Variants in AKT1 observed in about 807,000 individuals in gnomAD.
AKT1 encodes RAC-alpha serine/threonine-protein kinase.
Under a neutral mutation model 63.1 loss-of-function variants are expected in AKT1, and 21 were observed. The observed-to-expected ratio is 0.33, with a 90% CI of 0.24 to 0.48. The LOEUF (loss-of-function observed/expected upper bound fraction) is 0.48, where lower values mean the gene tolerates loss of function less well. Ranked by LOEUF, AKT1 falls within the 20% of genes least tolerant of loss-of-function variation. The probability of loss-of-function intolerance (pLI) is 0.99; values close to 1 mark genes in which losing one functional copy is unlikely to be tolerated. For synonymous variants in AKT1, 257 were observed against 253.1 expected, an observed-to-expected ratio of 1.02 and a Z score of -0.15; for missense variants, 382 against 666.0, an observed-to-expected ratio of 0.57 and a Z score of 4.69.
chr14:104,775,986 C>A (rs955565073), intron 5 of AKT1, 187 bp from the exon 6 acceptor site: 13 of 645,786 alleles, frequency 2.0e-5, no homozygotes, highest in Non-Finnish European at 3.3e-5. Context: ...CCCTCTTGGA[C>A]GTGGGGGACA....
At chr14:104,782,495 T>G (rs1283107812) in intron 3 of AKT1, among the ~76,000 whole-genome samples, 3 of 152,124 alleles carry the variant, frequency 2.0e-5, no homozygotes, top group African/African-American at 7.2e-5. Flanking sequence ...GAGCTGCATC[T>G]GGGGGGTTCT....
intron 3 of AKT1, among the ~76,000 whole-genome samples, chr14:104,780,705 G>T (rs1892983207): frequency 6.8e-6 from 1 of 148,048 alleles, no homozygotes; most frequent in African/African-American, 2.7e-5. Flanking sequence ...GGGCTGCCCA[G>T]CATGGCCGCC....
At chr14:104,772,019 C>A in intron 13 of AKT1, 2 of 452,476 alleles carry the variant, frequency 4.4e-6, no homozygotes, top group Non-Finnish European at 8.0e-6. Flanking sequence ...CCTGGTCCAC[C>A]ACCAGCCAGC....
intron 3 of AKT1, among the ~76,000 whole-genome samples, chr14:104,789,321 G>A (rs11848805): frequency 0.3 from 45,705 of 152,182 alleles, 7,266 homozygotes; most frequent in African/African-American, 0.37. Flanking sequence ...GAAGACAGCC[G>A]CGAGTGGACA....
intron 3 of AKT1, among the ~76,000 whole-genome samples, chr14:104,788,218 G>A (rs1893434136): frequency 6.6e-6 from 1 of 152,170 alleles, no homozygotes; most frequent in South Asian, 2.1e-4. Flanking sequence ...CGCAGCCTGG[G>A]GTTGACCCTC....
rs1408502825 is a variant in AKT1, at chr14:104,790,854, C to T, written c.46+1744G>A. Reference sequence around the variant, plus strand: ...CTCCACCAGGTCTCTCTCCCACCACCGCTCCCTGGTGTAGATGGGGAAACT... The same window carrying T: ...CTCCACCAGGTCTCTCTCCCACCACTGCTCCCTGGTGTAGATGGGGAAACT... On this transcript the variant is annotated intron_variant, in intron 3 of 14. Coordinates refer to ENST00000649815, the MANE Select transcript of AKT1 (RefSeq NM_001382430.1). Among the ~76,000 whole-genome samples the T allele has an allele frequency of 7.9e-5, 12 of 152,202 alleles. No individual in the cohort carries two copies. The South Asian group carries it at 8.3e-4, about 10-fold the overall frequency.
chr14:104,769,844 G>T lies in AKT1; in HGVS notation c.*497C>A. On this transcript the variant is annotated 3_prime_UTR_variant, in exon 15 of 15. Coordinates refer to ENST00000649815, the MANE Select transcript of AKT1 (RefSeq NM_001382430.1). ...ACGGCCTTAGTGCTGGGGGGCTGCT[G>T]TGTGCCTGCCACCCCCAGGAGAGGG... The T allele has an allele frequency of 2.6e-6, 1 of 387,492 alleles. No individual in the cohort carries two copies. Among genetic ancestry groups the T allele is most frequent in the Non-Finnish European group, 4.8e-6 (1 of 208,098 alleles). The allele number at this position is 387,492 out of a possible 1,614,324, so 24.0% of individuals were successfully genotyped here. A position where few individuals can be genotyped will look rare whatever the true frequency, so the allele number is the denominator to read the frequency against.
intron 13 of AKT1, chr14:104,771,673 G>C (rs1361907800): frequency 4.2e-6 from 1 of 235,502 alleles, no homozygotes; most frequent in Non-Finnish European, 8.4e-6. Flanking sequence ...ACACAGCCTA[G>C]GACAGGCATT....
At chr14:104,785,020 C>T (rs769373205) in intron 3 of AKT1, among the ~76,000 whole-genome samples, 3 of 152,238 alleles carry the variant, frequency 2.0e-5, no homozygotes, top group African/African-American at 4.8e-5. Context: ...CAGGCGGCAC[C>T]GAGCTGCTTC....
chr14:104,775,009 A>G lies in AKT1; in HGVS notation c.568-6T>C. 2 of 1,613,022 alleles carry G rather than the reference A, an allele frequency of 1.2e-6. No homozygotes were observed. Among genetic ancestry groups the G allele is most frequent in the Non-Finnish European group, 1.7e-6 (2 of 1,179,730 alleles). On this transcript the variant is annotated splice_region_variant and splice_polypyrimidine_tract_variant and intron_variant, in intron 7 of 14. Transcript: ENST00000649815. ...AGTGTGTGGGCCACCTCGTCCTGTA[A>G]AGCAGGGCTGGGTGAGCTGCCACCC... is the stretch of plus-strand genomic sequence containing the variant.
In AKT1 at chr14:104,775,621, A is replaced by C. The variant is rs538886256; in HGVS notation, c.435+31T>G. Reference sequence around the variant, plus strand: ...GCCCTCCACAGTCCAAGGCAGCCCCAGGCACAGGCAGAAGTGGGGACAGGC... The same window carrying C: ...GCCCTCCACAGTCCAAGGCAGCCCCCGGCACAGGCAGAAGTGGGGACAGGC... On this transcript the variant is annotated intron_variant, in intron 6 of 14. Transcript: ENST00000649815. The C allele has an allele frequency of 3.7e-6, 6 of 1,608,180 alleles. No homozygotes were observed. The South Asian group carries it at 5.5e-5, about 15-fold the overall frequency.
rs2141019295 is a variant in AKT1, at chr14:104,795,596, G to A, written c.-370C>T. The A allele has an allele frequency of 6.9e-6, 1 of 145,492 alleles. No homozygotes were observed. The highest frequency in any genetic ancestry group is 1.5e-5 in the Non-Finnish European group (1 of 65,596). 9.0% of individuals were successfully genotyped at this position (145,492 alleles called of 1,614,324 possible). A position where few individuals can be genotyped will look rare whatever the true frequency, so the allele number is the denominator to read the frequency against. Reference sequence around the variant, plus strand: ...GGGCGGGGCCGGGCTGGAGGCCGCGGCGGGCGGGGGCGCTGCTCGGGGCCG... The same window carrying A: ...GGGCGGGGCCGGGCTGGAGGCCGCGACGGGCGGGGGCGCTGCTCGGGGCCG... On this transcript the variant is annotated 5_prime_UTR_variant, in exon 1 of 15. Coordinates refer to ENST00000649815, the MANE Select transcript of AKT1 (RefSeq NM_001382430.1). The surrounding 1 kb of genome is among the most constrained non-coding windows in gnomAD (Gnocchi z 5.1).
At chr14:104,792,366 G>A (rs1206912260) in intron 3 of AKT1, among the ~76,000 whole-genome samples, 1 of 151,834 alleles carries the variant, frequency 6.6e-6, no homozygotes, top group East Asian at 2.0e-4. Flanking sequence ...CCCACACCAG[G>A]AAGCCACTCA....
In AKT1 at chr14:104,776,691, T is replaced by C. The variant is rs2140929985; in HGVS notation, c.255A>G (p.Glu85=). ...IRCLQWTTVI[E]RTFHVETPEE... ...CAGGAGTCTCCACATGGAAGGTGCGTTCGATGACAGTGGTCCACTGCAGGC... is the reference window on the plus strand; with the variant it reads ...CAGGAGTCTCCACATGGAAGGTGCGCTCGATGACAGTGGTCCACTGCAGGC... Residue 85 remains glutamate (E), a synonymous_variant, in exon 5 of 15, where the codon GAA becomes GAG. Coordinates refer to ENST00000649815, the MANE Select transcript of AKT1 (RefSeq NM_001382430.1). 6.2e-7 allele frequency: 1 copy of C among 1,613,426 alleles called. No homozygotes were observed. The highest frequency in any genetic ancestry group is 8.5e-7 in the Non-Finnish European group (1 of 1,179,806).
chr14:104,769,593 A>AGGGGGAG lies in AKT1; in HGVS notation c.*741_*747dup, dbSNP rs1892265068. 1 of 530,868 alleles carries AGGGGGAG rather than the reference A, an allele frequency of 1.9e-6. No homozygotes were observed. The highest frequency in any genetic ancestry group is 1.9e-5 in the African/African-American group (1 of 53,484). The allele number at this position is 530,868 out of a possible 1,614,324, so 32.9% of individuals were successfully genotyped here. ...AGTGCTACCGTGGAGAGATCATCTGAGGGGGAGGCTCCCGGTGGGACAGTC... is the reference window on the plus strand; with the variant it reads ...AGTGCTACCGTGGAGAGATCATCTGAGGGGGAGGGGGGAGGCTCCCGGTGGGACAGTC... On this transcript the variant is annotated 3_prime_UTR_variant, in exon 15 of 15. Transcript: ENST00000649815.
At chr14:104,781,548 A>G (rs1172601527) in intron 3 of AKT1, among the ~76,000 whole-genome samples, 3 of 152,104 alleles carry the variant, frequency 2.0e-5, no homozygotes, top group Non-Finnish European at 4.4e-5. Context: ...TCTTTAATAG[A>G]GGTGAGCCAC....
intron 5 of AKT1, chr14:104,776,249 C>T (rs1437974475): frequency 1.0e-5 from 2 of 200,792 alleles, no homozygotes; most frequent in Non-Finnish European, 2.0e-5. Flanking sequence ...CGGGTTCAAG[C>T]GATTCTTGTG....
At chr14:104,794,440 AGCACAGGGCTGCCTGTGGGGGCGGAGG>A (rs886109527) in intron 1 of AKT1, 1 of 152,282 alleles carries the variant, frequency 6.6e-6, no homozygotes, top group Non-Finnish European at 1.5e-5. Context: ...ACACCAGGCC[AGCACAGGGCTGCCTGTGGGGGCGGAGG>A]GACCCCGACT....
At chr14:104,773,873 C>T (rs202219163) in intron 9 of AKT1, 39 bp downstream of exon 9, 10 of 1,561,036 alleles carry the variant, frequency 6.4e-6, no homozygotes, top group Admixed American at 1.8e-5. Flanking sequence ...GGGCGGCCCA[C>T]AGGCCGCGAA....
Sources: gnomAD v4.1 joint callset for allele counts (sites outside exome capture counted in the v4.1 genomes callset) on GRCh38, gnomAD v4.1.1 for gene constraint, Gnocchi (gnomAD v3.1) non-coding constraint, MANE v1.5 for transcripts, NCBI Gene and HGNC (gene_info 2026-07-23, HGNC 2026-07-21) for gene names.